Variants in OSBPL1A observed in about 807,000 individuals in gnomAD.
The protein encoded by OSBPL1A is oxysterol binding protein like 1A.
OSBPL1A carries 80 observed loss-of-function variants against 137.1 expected under a neutral mutation model. The ratio of observed to expected loss-of-function variants is 0.58; its 90% CI spans 0.49 to 0.70. The LOEUF (loss-of-function observed/expected upper bound fraction) is 0.70. Ranked by LOEUF, OSBPL1A falls within the 30% of genes least tolerant of loss-of-function variation. OSBPL1A has a pLI of 0.00. For synonymous variants in OSBPL1A, 365 were observed against 389.7 expected, an observed-to-expected ratio of 0.94 and a Z score of 0.75; for missense variants, 970 against 1,129.4, an observed-to-expected ratio of 0.86 and a Z score of 2.02.
intron 7 of OSBPL1A, among the ~76,000 whole-genome samples, chr18:24,332,572 CAAAAA>C (rs34897629): frequency 9.2e-6 from 1 of 108,466 alleles, no homozygotes; most frequent in Non-Finnish European, 2.1e-5. Context: ...ATAGAAACAG[CAAAAA>C]AAAAAAAAAA....
intron 24 of OSBPL1A, among the ~76,000 whole-genome samples, 193 bp from the exon 25 acceptor site, chr18:24,167,638 C>G (rs8083311): frequency 0.065 from 9,896 of 152,164 alleles, 815 homozygotes; most frequent in African/African-American, 0.2. Context: ...AGGGAAATGA[C>G]CGATACTCAG....
intron 4 of OSBPL1A, chr18:24,347,820 C>G (rs1315761374): frequency 2.6e-5 from 3 of 113,544 alleles, no homozygotes; most frequent in African/African-American, 1.1e-4. Context: ...CCATCCTGGC[C>G]AACAGAGCGA....
At chr18:24,180,512 C>T (rs2086576443) in intron 19 of OSBPL1A, among the ~76,000 whole-genome samples, 2 of 151,528 alleles carry the variant, frequency 1.3e-5, no homozygotes, top group South Asian at 4.2e-4. Flanking sequence ...TGGAAACACC[C>T]CGAGAAAGTC....
intron 1 of OSBPL1A, among the ~76,000 whole-genome samples, chr18:24,384,224 A>C (rs894852313): frequency 6.6e-6 from 1 of 152,208 alleles, no homozygotes; most frequent in African/African-American, 2.4e-5. Flanking sequence ...ATGTGACTCT[A>C]TTTGGTTGTG....
At chr18:24,207,833 C>T (rs1431910883) in intron 17 of OSBPL1A, among the ~76,000 whole-genome samples, 1 of 152,186 alleles carries the variant, frequency 6.6e-6, no homozygotes, top group Non-Finnish European at 1.5e-5. Flanking sequence ...GCATCCTCTG[C>T]CTCCTGGGTT....
At chr18:24,235,487 T>C (rs1293788569) in intron 16 of OSBPL1A, among the ~76,000 whole-genome samples, 1 of 152,158 alleles carries the variant, frequency 6.6e-6, no homozygotes, top group African/African-American at 2.4e-5. Flanking sequence ...CTACCCTCCA[T>C]TAGTAAAACA....
At chr18:24,298,650 G>A (rs2090340878) in intron 14 of OSBPL1A, among the ~76,000 whole-genome samples, 1 of 152,164 alleles carries the variant, frequency 6.6e-6, no homozygotes, top group African/African-American at 2.4e-5. Flanking sequence ...TGGCCGCCCT[G>A]AAATCTTTCT....
intron 7 of OSBPL1A, chr18:24,321,715 G>T (rs745882220): frequency 4.2e-5 from 22 of 522,354 alleles, no homozygotes; most frequent in Non-Finnish European, 8.7e-5. Context: ...CCAGAATTGG[G>T]AAAAGCTGGG....
intron 1 of OSBPL1A, among the ~76,000 whole-genome samples, chr18:24,387,397 A>G (rs1466051320): frequency 6.6e-6 from 1 of 152,118 alleles, no homozygotes; most frequent in Non-Finnish European, 1.5e-5. Context: ...CGGTGGCTCT[A>G]ACACCCAGGC....
At chr18:24,279,906 C>G (rs2089923234) in intron 15 of OSBPL1A, among the ~76,000 whole-genome samples, 1 of 152,046 alleles carries the variant, frequency 6.6e-6, no homozygotes. Context: ...GTAGTGCAAT[C>G]TTGGCTCACT....
chr18:24,318,173 C>T (rs914653784), intron 9 of OSBPL1A, among the ~76,000 whole-genome samples: 3 of 152,102 alleles, frequency 2.0e-5, no homozygotes, highest in Admixed American at 2.0e-4. Flanking sequence ...TTGCCAGTCA[C>T]GGTGGCTCAC....
chr18:24,190,131 A>C (rs565553396), intron 18 of OSBPL1A, among the ~76,000 whole-genome samples: 24 of 152,302 alleles, frequency 1.6e-4, no homozygotes, highest in African/African-American at 5.3e-4. Context: ...GGGACTTCAT[A>C]AAGGCTGGAC....
chr18:24,245,591 G>A (rs1466260527), intron 15 of OSBPL1A, among the ~76,000 whole-genome samples: 1 of 152,132 alleles, frequency 6.6e-6, no homozygotes, highest in African/African-American at 2.4e-5. Flanking sequence ...GCTCCCATGT[G>A]GATGCAAATG....
intron 4 of OSBPL1A, among the ~76,000 whole-genome samples, chr18:24,348,812 G>T (rs1599698803): frequency 6.6e-6 from 1 of 151,834 alleles, no homozygotes; most frequent in South Asian, 2.1e-4. Context: ...AAAGGTAAAA[G>T]ATACACCACA....
intron 1 of OSBPL1A, among the ~76,000 whole-genome samples, chr18:24,388,832 C>T (rs375529252): frequency 7.4e-6 from 1 of 135,494 alleles, no homozygotes; most frequent in Non-Finnish European, 1.6e-5. Flanking sequence ...CCAAAAATAA[C>T]AAAAAAGGGA....
intron 18 of OSBPL1A, among the ~76,000 whole-genome samples, chr18:24,187,924 G>T (rs577712476): frequency 6.6e-6 from 1 of 152,318 alleles, no homozygotes; most frequent in Admixed American, 6.5e-5. Flanking sequence ...AGGTGACACA[G>T]GCTATGCCAT....
intron 15 of OSBPL1A, among the ~76,000 whole-genome samples, chr18:24,258,925 CTTTTTTTTTTTT>C (rs543867145): frequency 4.3e-5 from 4 of 92,728 alleles, no homozygotes; most frequent in East Asian, 3.1e-4. Context: ...AAAATTACAT[CTTTTTTTTTTTT>C]TTTTTTTTTT....
chr18:24,182,692 C>T (rs8087545), intron 18 of OSBPL1A, among the ~76,000 whole-genome samples: 152,089 of 152,282 alleles, frequency 1, 75,948 homozygotes, highest in Non-Finnish European at 1. Flanking sequence ...GGTAAATTTA[C>T]TGCTGCATCA....
At chr18:24,373,797 T>C (rs1905864829) in intron 2 of OSBPL1A, among the ~76,000 whole-genome samples, 1 of 152,166 alleles carries the variant, frequency 6.6e-6, no homozygotes, top group Non-Finnish European at 1.5e-5. Context: ...GGAAACACTA[T>C]TCACGCCTGG....
Sources: gnomAD v4.1 joint callset for allele counts (sites outside exome capture counted in the v4.1 genomes callset) on GRCh38, gnomAD v4.1.1 for gene constraint, MANE v1.5 for transcripts, NCBI Gene and HGNC (gene_info 2026-07-23, HGNC 2026-07-21) for gene names.